Variants in ZNF791 observed in about 807,000 individuals in gnomAD.
The protein encoded by ZNF791 is zinc finger protein 791.
In ZNF791, 4 loss-of-function variants were observed where a neutral mutation model predicts 11.5. The ratio of observed to expected loss-of-function variants is 0.35; its 90% confidence interval spans 0.17 to 0.80. The LOEUF (loss-of-function observed/expected upper bound fraction) is 0.80, where lower values mean the gene tolerates loss of function less well. Among genes scored for constraint, ZNF791 ranks in the 30% least tolerant of loss-of-function variants. The probability of loss-of-function intolerance (pLI) is 0.53; values close to 1 mark genes in which losing one functional copy is unlikely to be tolerated. For missense variants in ZNF791, 559 were observed against 699.4 expected, an observed-to-expected ratio of 0.80 and a Z score of 2.26; for synonymous variants, 212 against 228.1, an observed-to-expected ratio of 0.93 and a Z score of 0.64.
chr19:12,623,564 C>T (rs2023383679), intron 1 of ZNF791, 136 bp from the exon 2 acceptor site: 12 of 1,089,872 alleles, frequency 1.1e-5, no homozygotes, highest in Admixed American at 4.0e-5. Flanking sequence ...GTTCAATGTG[C>T]TGTTACATTT....
intron 3 of ZNF791, among the ~76,000 whole-genome samples, chr19:12,626,873 G>A (rs377323408): frequency 6.6e-6 from 1 of 152,104 alleles, no homozygotes; most frequent in South Asian, 2.1e-4. Context: ...CCAAAGTGCT[G>A]GGATTACAGG....
chr19:12,630,172 A>AAT lies in ZNF791; in HGVS notation c.*913_*914dup, dbSNP rs2023485843. 1 of 151,360 alleles carries AAT rather than the reference A, an allele frequency of 6.6e-6. No individual in the cohort carries two copies. Among genetic ancestry groups the AAT allele is most frequent in the African/African-American group, 2.4e-5 (1 of 41,044 alleles). 9.4% of individuals were successfully genotyped at this position (151,360 alleles called of 1,614,324 possible). A position where few individuals can be genotyped will look rare whatever the true frequency, so the allele number is the denominator to read the frequency against. ...GACTGTATCAAAAAAAAAAAAAAAA[A>AAT]ATTGGCTGGGCACAGTGGCTCATAC... On this transcript the variant is annotated 3_prime_UTR_variant, in exon 4 of 4. Transcript: ENST00000343325.
In ZNF791 at chr19:12,623,873, G is replaced by GGGGA. The variant is rs1555703486; in HGVS notation, c.130+50_130+51insAGGG. ...CTTTTTTCTTTTTTTTTTTTTTTGG[G>GGGGA]GGGGGACAGAGTTTCACTATTGTCC... On this transcript the variant is annotated intron_variant, in intron 2 of 3. Coordinates refer to ENST00000343325, the MANE Select transcript of ZNF791 (RefSeq NM_153358.3). The GGGGA allele has an allele frequency of 2.2e-3, 2,162 of 991,496 alleles. 205 individuals carry two copies. Among genetic ancestry groups the GGGGA allele is most frequent in the South Asian group, 3.1e-3 (196 of 63,478 alleles). The allele number at this position is 991,496 out of a possible 1,614,324, so 61.4% of individuals were successfully genotyped here. A position where few individuals can be genotyped will look rare whatever the true frequency, so the allele number is the denominator to read the frequency against.
chr19:12,625,239 G>T (rs1478425296), intron 3 of ZNF791, among the ~76,000 whole-genome samples: 1 of 150,996 alleles, frequency 6.6e-6, no homozygotes, highest in African/African-American at 2.4e-5. Flanking sequence ...TCCTGCCTCA[G>T]CCTCCCAAGT....
chr19:12,623,540 C>A, intron 1 of ZNF791, 160 bp from the exon 2 acceptor site: 1 of 831,292 alleles, frequency 1.2e-6, no homozygotes, highest in South Asian at 1.7e-5. Context: ...GAAGATGTAG[C>A]TATAAGTTTA....
chr19:12,628,452 C>G lies in ZNF791; in HGVS notation c.923C>G (p.Ala308Gly). The G allele has an allele frequency of 6.2e-7, 1 of 1,612,298 alleles. No individual in the cohort carries two copies. The change falls in exon 4 of 4, where the codon GCC becomes GGC. Residue 308 changes from alanine (A) to glycine (G), a missense_variant. By Grantham distance (60) the Ala-to-Gly change is moderately conservative. Coordinates refer to ENST00000343325, the MANE Select transcript of ZNF791 (RefSeq NM_153358.3). Reference protein sequence around the residue: ...KPYKCKQCGKAFRCSTSIQIH... With the variant: ...KPYKCKQCGKGFRCSTSIQIH... ...TATAAATGTAAACAATGTGGTAAAG[C>G]CTTCAGATGTTCCACCTCCATTCAA... is the stretch of plus-strand genomic sequence containing the variant.
chr19:12,617,913 CTTTTTTTT>C (rs958944041), intron 1 of ZNF791, among the ~76,000 whole-genome samples: 1 of 94,746 alleles, frequency 1.1e-5, no homozygotes, highest in Non-Finnish European at 2.2e-5. Flanking sequence ...CTAAATTTTG[CTTTTTTTT>C]TTTTTTTTTT....
intron 1 of ZNF791, among the ~76,000 whole-genome samples, chr19:12,620,514 C>T (rs1193576300): frequency 1.3e-4 from 20 of 152,064 alleles, no homozygotes; most frequent in African/African-American, 3.6e-4. Context: ...TGTAAATAAA[C>T]CTTACAGAGA....
chr19:12,627,910 AT>A lies in ZNF791; in HGVS notation c.384del (p.Phe128LeufsTer133). 6.2e-7 allele frequency: 1 copy of A among 1,614,130 alleles called. No homozygotes were observed. The highest frequency in any genetic ancestry group is 8.5e-7 in the Non-Finnish European group (1 of 1,180,022). On this transcript the variant is annotated frameshift_variant, in exon 4 of 4. Coordinates refer to ENST00000343325, the MANE Select transcript of ZNF791 (RefSeq NM_153358.3). LOFTEE classifies it low-confidence loss of function (END_TRUNC). ...HMRSHTGYEL[F>X]EKPYKCKECE... ...TGAGGTCTCACACTGGATACGAGCT[AT>A]TTGAGAAGCCATATAAATGTAAGGA...
chr19:12,623,913 T>A, intron 2 of ZNF791, 87 bp downstream of exon 2: 1 of 1,141,786 alleles, frequency 8.8e-7, no homozygotes, highest in African/African-American at 1.6e-5. Flanking sequence ...TGGAGAGCAA[T>A]GGCACAATCT....
intron 1 of ZNF791, among the ~76,000 whole-genome samples, chr19:12,622,597 A>G (rs191527740): frequency 2.0e-4 from 30 of 151,864 alleles, no homozygotes; most frequent in African/African-American, 7.0e-4. Flanking sequence ...CAACCTGGAC[A>G]ATATAACAAA....
chr19:12,621,531 A>G (rs75736058), intron 1 of ZNF791, among the ~76,000 whole-genome samples: 2,665 of 151,878 alleles, frequency 0.018, 91 homozygotes, highest in East Asian at 0.14. Flanking sequence ...ATACGTCTCT[A>G]AAAGAGTATT....
At chr19:12,617,491 A>G (rs949821837) in intron 1 of ZNF791, among the ~76,000 whole-genome samples, 3 of 152,018 alleles carry the variant, frequency 2.0e-5, no homozygotes, top group Non-Finnish European at 4.4e-5. Context: ...ATTTCCAAAT[A>G]TTTGATGGTT....
At chr19:12,611,812 T>G (rs1259810593) in intron 1 of ZNF791, among the ~76,000 whole-genome samples, 1 of 152,210 alleles carries the variant, frequency 6.6e-6, no homozygotes, top group Non-Finnish European at 1.5e-5. Context: ...TAAACTTTCC[T>G]GGGTAATCTA....
At position 12,632,421 on chromosome 19, in the gene ZNF791, CAT is replaced by C. The variant is rs768917232; in HGVS notation, c.*3162_*3163del. 6.6e-6 allele frequency: 1 copy of C among 152,104 alleles called. No homozygotes were observed. Among genetic ancestry groups the C allele is most frequent in the African/African-American group, 2.4e-5 (1 of 41,418 alleles). 9.4% of individuals were successfully genotyped at this position (152,104 alleles called of 1,614,324 possible). A position where few individuals can be genotyped will look rare whatever the true frequency, so the allele number is the denominator to read the frequency against. ...TAACTAGGATTTTTCCTACTGGCCT[CAT>C]GTGGAAGGTGGTGCATATATTACCC... On this transcript the variant is annotated 3_prime_UTR_variant, in exon 4 of 4. Transcript: ENST00000343325.
Position 12,623,792 on chromosome 19 carries a change from G to C in ZNF791, c.96G>C (p.Val32=), listed in dbSNP as rs2023386289. 2.5e-6 allele frequency: 4 copies of C among 1,595,706 alleles called. No individual in the cohort carries two copies. Among genetic ancestry groups the C allele is most frequent in the South Asian group, 2.2e-5 (2 of 89,316 alleles). ...CACAGAAGAAACTCTACAGAGATGT[G>C]ATGCAGGAAACATTCAAGAACCTGG... ...APSQKKLYRD[V]MQETFKNLAS... Residue 32 remains valine, a synonymous_variant, in exon 2 of 4, where the codon GTG becomes GTC. Coordinates refer to ENST00000343325, the MANE Select transcript of ZNF791 (RefSeq NM_153358.3).
rs756879637 is a variant in ZNF791, at chr19:12,624,650, G to A, written c.131G>A (p.Gly44Glu). 1 of 1,601,036 alleles carries A rather than the reference G, an allele frequency of 6.2e-7. No individual in the cohort carries two copies. Among genetic ancestry groups the A allele is most frequent in the Non-Finnish European group, 8.5e-7 (1 of 1,172,904 alleles). ...QETFKNLASIGEKWEDPNVED... is the reference protein window; with the variant it reads ...QETFKNLASIEEKWEDPNVED... ...TGATTATTCTTGATCTACATTTTAG[G>A]GGAAAAATGGGAAGACCCGAATGTT... The change falls in exon 3 of 4, where the codon GGG becomes GAG. Residue 44 changes from glycine to glutamate, a missense_variant and splice_region_variant. Coordinates refer to ENST00000343325, the MANE Select transcript of ZNF791 (RefSeq NM_153358.3).
At chr19:12,614,892 C>CGTTTTTTTTTTTTT (rs1191586602) in intron 1 of ZNF791, among the ~76,000 whole-genome samples, 1 of 17,548 alleles carries the variant, frequency 5.7e-5, no homozygotes, top group Non-Finnish European at 1.3e-4. Flanking sequence ...TGCGTCCGGC[C>CGTTTTTTTTTTTTT]TTTTTTTTTT....
In ZNF791 at chr19:12,631,051, A is replaced by T. The variant is rs926009025; in HGVS notation, c.*1791A>T. ...CATTCACTCACCACTCAACTGACTC[A>T]CCCAGAGCAACTTCTAGTCCTGCAA... On this transcript the variant is annotated 3_prime_UTR_variant, in exon 4 of 4. Coordinates refer to ENST00000343325, the MANE Select transcript of ZNF791 (RefSeq NM_153358.3). 2 of 152,332 alleles carry T rather than the reference A, an allele frequency of 1.3e-5. No individual in the cohort carries two copies. Among genetic ancestry groups the T allele is most frequent in the East Asian group, 3.9e-4 (2 of 5,190 alleles). 9.4% of individuals were successfully genotyped at this position (152,332 alleles called of 1,614,324 possible).
Sources: gnomAD v4.1 joint callset for allele counts (sites outside exome capture counted in the v4.1 genomes callset) on GRCh38, gnomAD v4.1.1 for gene constraint, MANE v1.5 for transcripts, NCBI Gene and HGNC (gene_info 2026-07-23, HGNC 2026-07-21) for gene names.